Variants in CHRM3 observed in about 807,000 individuals in gnomAD.
CHRM3 encodes the protein cholinergic receptor muscarinic 3.
Under a neutral mutation model 41.8 loss-of-function variants are expected in CHRM3, and 11 were observed. The ratio of observed to expected loss-of-function variants is 0.26; its 90% CI spans 0.17 to 0.44. CHRM3 has a LOEUF of 0.44. Ranked by LOEUF, CHRM3 falls within the 20% of genes least tolerant of loss-of-function variation. CHRM3 has a pLI of 1.00. For missense variants in CHRM3, 571 were observed against 745.4 expected (o/e 0.77, Z 2.72); for synonymous variants, 297 against 301.4 (o/e 0.99, Z 0.15).
chr1:239,677,418 G>T (rs909158976), intron 4 of CHRM3, among the ~76,000 whole-genome samples: 1 of 152,186 alleles, frequency 6.6e-6, no homozygotes, highest in Non-Finnish European at 1.5e-5. Flanking sequence ...CTCATACCTA[G>T]TTGCGTCTTT....
Position 239,682,205 on chromosome 1 carries a change from G to A in CHRM3, c.-147+3917G>A, listed in dbSNP as rs1403920270. ...GAGATGTCTTTGTGTTTCCTTTTGG[G>A]ATCAAGATGGACTGGCCTCGTGTAC... On this transcript the variant is annotated intron_variant, in intron 5 of 6. Coordinates refer to ENST00000676153, the MANE Select transcript of CHRM3 (RefSeq NM_001375978.1). Among the ~76,000 whole-genome samples, 3 of 152,238 alleles carry A rather than the reference G, an allele frequency of 2.0e-5. No homozygotes were observed. In the South Asian group the frequency reaches 6.2e-4, roughly 32 times the overall value.
chr1:239,615,093 G>C (rs1572936555), intron 3 of CHRM3, among the ~76,000 whole-genome samples: 1 of 152,166 alleles, frequency 6.6e-6, no homozygotes, highest in African/African-American at 2.4e-5. Context: ...GGATGCGGGA[G>C]GTCAGGCTTT....
intron 4 of CHRM3, among the ~76,000 whole-genome samples, chr1:239,644,580 T>C (rs1290157950): frequency 1.3e-5 from 2 of 152,162 alleles, no homozygotes; most frequent in African/African-American, 4.8e-5. Flanking sequence ...AGGGACTTGG[T>C]TATGTGAAAC....
At chr1:239,675,149 T>C (rs1228493879) in intron 4 of CHRM3, among the ~76,000 whole-genome samples, 1 of 152,216 alleles carries the variant, frequency 6.6e-6, no homozygotes, top group Non-Finnish European at 1.5e-5. Context: ...TGCAAATCAC[T>C]GAGGTCACTT....
At chr1:239,422,269 T>C (rs1052173440) in intron 1 of CHRM3, among the ~76,000 whole-genome samples, 2 of 152,226 alleles carry the variant, frequency 1.3e-5, no homozygotes, top group Non-Finnish European at 2.9e-5. Context: ...GTTGAGAGTT[T>C]TATTTTGTGC....
chr1:239,570,578 T>C (rs1661735027), intron 3 of CHRM3, among the ~76,000 whole-genome samples: 1 of 152,214 alleles, frequency 6.6e-6, no homozygotes, highest in Non-Finnish European at 1.5e-5. Flanking sequence ...TTTGTTGGTG[T>C]ACTCAAATCT....
At chr1:239,656,470 A>AG (rs1672734204) in intron 4 of CHRM3, among the ~76,000 whole-genome samples, 1 of 121,444 alleles carries the variant, frequency 8.2e-6, no homozygotes, top group Non-Finnish European at 1.6e-5. Context: ...AAAAAAAAAG[A>AG]AAAAAGAAAA....
At chr1:239,797,401 A>G (rs1669873393) in intron 5 of CHRM3, among the ~76,000 whole-genome samples, 2 of 147,252 alleles carry the variant, frequency 1.4e-5, no homozygotes, top group South Asian at 4.3e-4. Context: ...AGGGATACTC[A>G]TTCTTTAAAA....
At chr1:239,645,487 A>G (rs1297696747) in intron 4 of CHRM3, among the ~76,000 whole-genome samples, 1 of 152,240 alleles carries the variant, frequency 6.6e-6, no homozygotes, top group African/African-American at 2.4e-5. Context: ...TGCTTAAATT[A>G]TCAAAGGAAC....
At chr1:239,648,048 A>G (rs1671894717) in intron 4 of CHRM3, among the ~76,000 whole-genome samples, 1 of 152,134 alleles carries the variant, frequency 6.6e-6, no homozygotes, top group Non-Finnish European at 1.5e-5. Context: ...AGAAAATGAA[A>G]CTAGTTTCCT....
At chr1:239,877,814 TGTGATG>T (rs564060177) in intron 6 of CHRM3, among the ~76,000 whole-genome samples, 2 of 152,176 alleles carry the variant, frequency 1.3e-5, no homozygotes, top group South Asian at 4.2e-4. Context: ...ACAATTTTTC[TGTGATG>T]GGGAGGAGAG....
intron 2 of CHRM3, among the ~76,000 whole-genome samples, chr1:239,529,938 C>T (rs1670276254): frequency 6.6e-6 from 1 of 152,000 alleles, no homozygotes; most frequent in African/African-American, 2.4e-5. Flanking sequence ...CGCTCTGTCG[C>T]CCAGGCTGGA....
intron 5 of CHRM3, among the ~76,000 whole-genome samples, chr1:239,804,342 G>GT (rs11428693): frequency 0.74 from 110,765 of 149,966 alleles, 41,764 homozygotes; most frequent in East Asian, 0.83. Flanking sequence ...CATTCATTGT[G>GT]TTTTTTTTTT....
intron 2 of CHRM3, among the ~76,000 whole-genome samples, chr1:239,511,010 A>G (rs1668883746): frequency 6.6e-6 from 1 of 152,190 alleles, no homozygotes; most frequent in Non-Finnish European, 1.5e-5. Flanking sequence ...TATTGAAGAG[A>G]GAAACACCTC....
chr1:239,471,791 C>G (rs1253829515), intron 1 of CHRM3, among the ~76,000 whole-genome samples: 1 of 152,148 alleles, frequency 6.6e-6, no homozygotes, highest in Non-Finnish European at 1.5e-5. Flanking sequence ...GAGGTCTTGA[C>G]TTCAGTTCCC....
intron 6 of CHRM3, among the ~76,000 whole-genome samples, chr1:239,889,486 C>T (rs1678362705): frequency 1.3e-5 from 2 of 152,112 alleles, no homozygotes; most frequent in African/African-American, 2.4e-5. Flanking sequence ...GCCGGCGTTC[C>T]CCTGTACAAG....
chr1:239,729,396 G>A (rs1663754593), intron 5 of CHRM3, among the ~76,000 whole-genome samples: 1 of 151,852 alleles, frequency 6.6e-6, no homozygotes, highest in Non-Finnish European at 1.5e-5. Flanking sequence ...CTTCTTTCAG[G>A]GAACGTCATT....
intron 4 of CHRM3, among the ~76,000 whole-genome samples, chr1:239,642,474 C>CT (rs1272289035): frequency 1.3e-5 from 2 of 152,066 alleles, no homozygotes; most frequent in African/African-American, 4.8e-5. Context: ...TCTTTATATT[C>CT]TTTTTTATCT....
intron 5 of CHRM3, among the ~76,000 whole-genome samples, chr1:239,712,099 AG>A: frequency 6.6e-6 from 1 of 152,294 alleles, no homozygotes. Context: ...CTACCCAAAA[AG>A]AGAAGGTTAT....
Sources: allele counts gnomAD v4.1 joint callset (sites outside exome capture counted in the v4.1 genomes callset), GRCh38; gene constraint gnomAD v4.1.1; transcripts MANE v1.5; gene names NCBI Gene and HGNC (gene_info 2026-07-23, HGNC 2026-07-21).